The following ITGA8 variants were observed in gnomAD, a reference collection of about 807,000 sequenced individuals.
The protein encoded by ITGA8 is integrin subunit alpha 8.
ITGA8 carries 91 observed loss-of-function variants against 142.3 expected under a neutral mutation model. The ratio of observed to expected loss-of-function variants is 0.64; its 90% CI spans 0.54 to 0.76. The LOEUF (loss-of-function observed/expected upper bound fraction) is 0.76. Among genes scored for constraint, ITGA8 ranks in the 30% least tolerant of loss-of-function variants. ITGA8 has a pLI of 0.00. For synonymous variants in ITGA8, 505 were observed against 485.2 expected, an observed-to-expected ratio of 1.04 and a Z score of -0.54; for missense variants, 1,406 against 1,327.7, an observed-to-expected ratio of 1.06 and a Z score of -0.92.
intron 13 of ITGA8, among the ~76,000 whole-genome samples, chr10:15,640,925 G>C (rs1207138527): frequency 6.6e-6 from 1 of 152,214 alleles, no homozygotes; most frequent in Non-Finnish European, 1.5e-5. Context: ...AAGGGACTGA[G>C]CTACCCTTTA....
At chr10:15,589,454 A>G (rs1295752804) in intron 22 of ITGA8, among the ~76,000 whole-genome samples, 1 of 152,188 alleles carries the variant, frequency 6.6e-6, no homozygotes, top group Non-Finnish European at 1.5e-5. Context: ...CGCTTAATGC[A>G]AATATTTGGT....
At position 15,548,468 on chromosome 10, in the gene ITGA8, T is replaced by C; in HGVS notation, c.2867A>G (p.His956Arg). 2 of 1,609,174 alleles carry C rather than the reference T, an allele frequency of 1.2e-6. No individual in the cohort carries two copies. Among genetic ancestry groups the C allele is most frequent in the Non-Finnish European group, 1.7e-6 (2 of 1,177,944 alleles). Reference sequence around the variant, plus strand: ...GTTGTTTATTACCTGGAGGAAGGTGTGGGCCCATAATCGTGACCTGACTTT... The same window carrying C: ...GTTGTTTATTACCTGGAGGAAGGTGCGGGCCCATAATCGTGACCTGACTTT... ...VLKVRSRLWA[H>R]TFLQRKNDPY... Residue 956 changes from histidine to arginine, a missense_variant, in exon 27 of 30, where the codon CAC (histidine) becomes CGC (arginine). By Grantham distance (29) the His-to-Arg change is conservative. Transcript: ENST00000378076.
At chr10:15,705,040 A>G (rs1835232835) in intron 2 of ITGA8, among the ~76,000 whole-genome samples, 1 of 152,060 alleles carries the variant, frequency 6.6e-6, no homozygotes, top group Non-Finnish European at 1.5e-5. Context: ...TCCCAATGTT[A>G]CACAAAATAG....
chr10:15,670,204 A>C (rs1361650615), intron 8 of ITGA8, among the ~76,000 whole-genome samples: 1 of 152,222 alleles, frequency 6.6e-6, no homozygotes, highest in African/African-American at 2.4e-5. Context: ...GTTCATATGA[A>C]ACAAGATGGA....
chr10:15,715,440 C>T (rs1233178582), intron 2 of ITGA8, among the ~76,000 whole-genome samples: 1 of 152,168 alleles, frequency 6.6e-6, no homozygotes, highest in African/African-American at 2.4e-5. Context: ...CAATCCTCTC[C>T]CCATTTCTGG....
chr10:15,652,242 G>C (rs985853170), intron 11 of ITGA8, among the ~76,000 whole-genome samples: 1 of 152,134 alleles, frequency 6.6e-6, no homozygotes, highest in Non-Finnish European at 1.5e-5. Flanking sequence ...CTATAGACTA[G>C]AATGCGCATG....
In ITGA8 at chr10:15,575,575, T is replaced by C; in HGVS notation, c.2392A>G (p.Ile798Val). 1.2e-6 allele frequency: 2 copies of C among 1,613,872 alleles called. No individual in the cohort carries two copies. The highest frequency in any genetic ancestry group is 2.2e-5 in the South Asian group (2 of 91,070). ...TCCCAGTTATGAATGGGCAGAACAA[T>C]CTGCGGAGGGTGTGACACTCTGAAA... is the stretch of plus-strand genomic sequence containing the variant. ...EIRGVSHPPQ[I>V]VLPIHNWEPE... The change falls in exon 24 of 30, where the codon ATT becomes GTT. Residue 798 changes from isoleucine (I) to valine (V), a missense_variant. Ile to Val is a conservative substitution (Grantham distance 29). Coordinates refer to ENST00000378076, the MANE Select transcript of ITGA8 (RefSeq NM_003638.3).
intron 23 of ITGA8, among the ~76,000 whole-genome samples, chr10:15,584,597 T>C (rs1832790283): frequency 6.6e-6 from 1 of 152,188 alleles, no homozygotes; most frequent in Non-Finnish European, 1.5e-5. Flanking sequence ...GTAGTAAAGT[T>C]AAATAGAGCA....
intron 3 of ITGA8, among the ~76,000 whole-genome samples, chr10:15,684,704 G>A (rs1009119080): frequency 7.3e-5 from 11 of 151,028 alleles, no homozygotes; most frequent in African/African-American, 2.4e-4. Context: ...TTTTTTGCCC[G>A]AAGAAGCAAG....
In ITGA8 at chr10:15,644,036, A is replaced by G. The variant is rs1190642667; in HGVS notation, c.1393T>C (p.Tyr465His). ...AAAAGAAAGAAAACCTTACCTGGGT[A>G]ATCATTCTTGTCTATGTCTGAATCT... ...RGDSDIDKND[Y>H]PDLIVGAFGT... The change falls in exon 13 of 30, where the codon TAC becomes CAC. Residue 465 changes from tyrosine (Y) to histidine (H), a missense_variant. Coordinates refer to ENST00000378076, the MANE Select transcript of ITGA8 (RefSeq NM_003638.3). 1 of 1,611,584 alleles carries G rather than the reference A, an allele frequency of 6.2e-7. No individual in the cohort carries two copies. The highest frequency in any genetic ancestry group is 1.7e-5 in the Admixed American group (1 of 59,818).
At chr10:15,661,516 T>C (rs1175884870) in intron 8 of ITGA8, among the ~76,000 whole-genome samples, 1 of 152,210 alleles carries the variant, frequency 6.6e-6, no homozygotes, top group African/African-American at 2.4e-5. Context: ...TCATACTTTG[T>C]CATACTTTGT....
At chr10:15,680,986 G>A (rs911345262) in intron 4 of ITGA8, among the ~76,000 whole-genome samples, 1 of 151,968 alleles carries the variant, frequency 6.6e-6, no homozygotes, top group African/African-American at 2.4e-5. Flanking sequence ...GTGAACTCAG[G>A]AATCCAAGGA....
At position 15,561,209 on chromosome 10, in the gene ITGA8, CTATATATATATATATATATATATATG is replaced by C. The variant is rs1186465880; in HGVS notation, c.2638-3033_2638-3008del. On this transcript the variant is annotated intron_variant, in intron 25 of 29. Transcript: ENST00000378076. ...CTGGCCAAGTCTCCTTATCTGTTGGCTATATATATATATATATATATATATGTATATATATATATATATATGTATGT... is the reference window on the plus strand; with the variant it reads ...CTGGCCAAGTCTCCTTATCTGTTGGCTATATATATATATATATATGTATGT... Among the ~76,000 whole-genome samples, 756 of 116,958 alleles carry C rather than the reference CTATATATATATATATATATATATATG, an allele frequency of 6.5e-3. 11 individuals are homozygous for C. Among genetic ancestry groups the C allele is most frequent in the African/African-American group, 0.027 (719 of 27,002 alleles). 76.7% of individuals were successfully genotyped at this position (116,958 alleles called of 152,430 possible).
rs755591397 is a variant in ITGA8 at position 15,646,945 on chromosome 10, GGA to G, written c.1106_1107del (p.Leu369ProfsTer19). The part of the protein sequence containing the change: ...QIYLYLQVSS[L>X]LFRDPQILTG... ...GTGAGGATCTGGGGGTCTCTGAAGA[GGA>G]GAGAGCTCACTTGCAAATACAGGTA... On this transcript the variant is annotated frameshift_variant, in exon 12 of 30. Coordinates refer to ENST00000378076, the MANE Select transcript of ITGA8 (RefSeq NM_003638.3). LOFTEE classifies it high-confidence loss of function. 2 of 1,613,970 alleles carry G rather than the reference GGA, an allele frequency of 1.2e-6. No homozygotes were observed. The highest frequency in any genetic ancestry group is 2.2e-5 in the South Asian group (2 of 91,060).
chr10:15,553,302 G>GTT (rs5783451), intron 26 of ITGA8, among the ~76,000 whole-genome samples: 1 of 131,134 alleles, frequency 7.6e-6, no homozygotes, highest in Non-Finnish European at 1.7e-5. Flanking sequence ...AGTTGCCATA[G>GTT]TTTTTTTTTT....
intron 11 of ITGA8, among the ~76,000 whole-genome samples, chr10:15,653,304 C>G (rs1834123569): frequency 6.6e-6 from 1 of 151,778 alleles, no homozygotes; most frequent in African/African-American, 2.4e-5. Context: ...TTCAAATACT[C>G]CCTATCTCTC....
intron 6 of ITGA8, among the ~76,000 whole-genome samples, chr10:15,672,992 C>T (rs1016630911): frequency 2.0e-5 from 3 of 152,236 alleles, no homozygotes; most frequent in Non-Finnish European, 4.4e-5. Flanking sequence ...TTAACATACA[C>T]ACTCCACCTC....
At chr10:15,709,048 T>C (rs145899428) in intron 2 of ITGA8, among the ~76,000 whole-genome samples, 88 of 152,296 alleles carry the variant, frequency 5.8e-4, no homozygotes, top group African/African-American at 2.0e-3. Flanking sequence ...AAATAATGAA[T>C]GTTAACAAAG....
At chr10:15,693,278 CTT>C (rs2131715277) in intron 2 of ITGA8, among the ~76,000 whole-genome samples, 1 of 152,126 alleles carries the variant, frequency 6.6e-6, no homozygotes, top group South Asian at 2.1e-4. Flanking sequence ...TCTTCCTTGA[CTT>C]TATAAAAATA....
Sources: gnomAD v4.1 joint callset for allele counts (sites outside exome capture counted in the v4.1 genomes callset) on GRCh38, gnomAD v4.1.1 for gene constraint, MANE v1.5 for transcripts, NCBI Gene and HGNC (gene_info 2026-07-23, HGNC 2026-07-21) for gene names.